The following LRRC4C variants were observed in gnomAD, a reference collection of about 807,000 sequenced individuals.
LRRC4C encodes the protein leucine rich repeat containing 4C.
LRRC4C carries 5 observed loss-of-function variants against 33.6 expected under a neutral mutation model. The observed-to-expected ratio is 0.15, with a 90% CI of 0.08 to 0.31. LRRC4C has a LOEUF of 0.31. LRRC4C is among the 10% of genes least tolerant of loss of function. LRRC4C has a pLI of 1.00. For synonymous variants in LRRC4C, 329 were observed against 302.0 expected (o/e 1.09, Z -0.93); for missense variants, 560 against 796.7 (o/e 0.70, Z 3.58).
At chr11:40,208,010 G>A (rs1863286821) in intron 5 of LRRC4C, among the ~76,000 whole-genome samples, 2 of 152,070 alleles carry the variant, frequency 1.3e-5, no homozygotes, top group East Asian at 3.9e-4. Flanking sequence ...GGGACACTAA[G>A]GAAACCTACT....
At chr11:40,169,034 T>A (rs562284404) in intron 5 of LRRC4C, among the ~76,000 whole-genome samples, 1 of 152,338 alleles carries the variant, frequency 6.6e-6, no homozygotes, top group South Asian at 2.1e-4. Context: ...TTGAGTTTTA[T>A]AAAATAACTT....
intron 2 of LRRC4C, among the ~76,000 whole-genome samples, chr11:40,747,478 T>C (rs1043200811): frequency 6.6e-6 from 1 of 151,878 alleles, no homozygotes; most frequent in African/African-American, 2.4e-5. Flanking sequence ...TATATAAACA[T>C]AAAGACACCT....
chr11:40,698,862 T>C (rs1298499803), intron 2 of LRRC4C, among the ~76,000 whole-genome samples: 2 of 152,104 alleles, frequency 1.3e-5, no homozygotes, highest in East Asian at 1.9e-4. Flanking sequence ...TCTTGAGACG[T>C]ATTCACTACC....
intron 2 of LRRC4C, among the ~76,000 whole-genome samples, chr11:40,696,059 G>GTA (rs1009495178): frequency 7.0e-5 from 10 of 142,508 alleles, no homozygotes; most frequent in Admixed American, 3.6e-4. Flanking sequence ...GTGTGTGTGT[G>GTA]TATATATGAG....
In LRRC4C at chr11:40,905,057, G is replaced by A. The variant is rs572016257; in HGVS notation, c.-407+28578C>T. On this transcript the variant is annotated intron_variant, in intron 2 of 6. Transcript: ENST00000528697. ...GATGAGACTCATCTTGGGAGTGAGA[G>A]AAAAGAGCCCAAGTCTGAAGTTGTA... Among the ~76,000 whole-genome samples the A allele has an allele frequency of 3.3e-5, 5 of 152,206 alleles. No individual in the cohort carries two copies. The East Asian group carries it at 9.7e-4, about 30-fold the overall frequency.
intron 1 of LRRC4C, among the ~76,000 whole-genome samples, chr11:41,375,818 C>T (rs1042651450): frequency 6.6e-6 from 1 of 152,000 alleles, no homozygotes; most frequent in African/African-American, 2.4e-5. Flanking sequence ...AGAAGGAACA[C>T]ATCCTAGGCA....
intron 1 of LRRC4C, among the ~76,000 whole-genome samples, chr11:41,411,017 A>G (rs1954454223): frequency 6.6e-6 from 1 of 151,958 alleles, no homozygotes; most frequent in Non-Finnish European, 1.5e-5. Flanking sequence ...TGAATCCTAT[A>G]GGAGGCAGAG....
intron 3 of LRRC4C, among the ~76,000 whole-genome samples, chr11:40,521,948 T>C (rs1168520050): frequency 1.3e-5 from 2 of 152,196 alleles, no homozygotes; most frequent in African/African-American, 2.4e-5. Flanking sequence ...TTTCCCATTA[T>C]GGTAAACATT....
At chr11:40,187,767 A>C (rs1794847296) in intron 5 of LRRC4C, among the ~76,000 whole-genome samples, 1 of 152,158 alleles carries the variant, frequency 6.6e-6, no homozygotes, top group South Asian at 2.1e-4. Context: ...AGGATTCCAA[A>C]TGACTTTCAT....
chr11:40,609,309 C>G (rs1423576809), intron 3 of LRRC4C, among the ~76,000 whole-genome samples: 3 of 151,654 alleles, frequency 2.0e-5, no homozygotes, highest in Non-Finnish European at 4.4e-5. Context: ...CAATGAACTC[C>G]TAAATAAGCA....
At chr11:40,376,572 GC>G in intron 3 of LRRC4C, among the ~76,000 whole-genome samples, 1 of 152,140 alleles carries the variant, frequency 6.6e-6, no homozygotes, top group East Asian at 1.9e-4. Flanking sequence ...AGATTAAACA[GC>G]TTTACAGCCA....
chr11:41,166,029 C>T (rs79914042), intron 1 of LRRC4C, among the ~76,000 whole-genome samples: 1 of 122,136 alleles, frequency 8.2e-6, no homozygotes, highest in Non-Finnish European at 1.8e-5. Flanking sequence ...GAAATTCTGT[C>T]AAAAAAAAAA....
chr11:40,318,627 G>A (rs997375957), intron 4 of LRRC4C, among the ~76,000 whole-genome samples: 3 of 151,992 alleles, frequency 2.0e-5, no homozygotes, highest in East Asian at 1.9e-4. Context: ...CCATGTACAC[G>A]GGTTGTTTAT....
At chr11:40,461,314 G>C (rs1447923511) in intron 3 of LRRC4C, among the ~76,000 whole-genome samples, 1 of 152,134 alleles carries the variant, frequency 6.6e-6, no homozygotes, top group Non-Finnish European at 1.5e-5. Flanking sequence ...AAACTGGTAG[G>C]ATGTAGTGAA....
rs1858783625 is a variant in LRRC4C at position 41,058,268 on chromosome 11, A to C, written c.-495-124545T>G. Among the ~76,000 whole-genome samples, 6 of 152,246 alleles carry C rather than the reference A, an allele frequency of 3.9e-5. No homozygotes were observed. In the South Asian group the frequency reaches 1.2e-3, roughly 31 times the overall value. The stretch of plus-strand genomic sequence containing the variant: ...GCTTCCAGGAACCACCGTGTTCCCC[A>C]GTGCCAGCCGTGGAAGCTGCTTGTG... On this transcript the variant is annotated intron_variant, in intron 1 of 6. Coordinates refer to ENST00000528697, the MANE Select transcript of LRRC4C (RefSeq NM_001258419.2).
intron 5 of LRRC4C, among the ~76,000 whole-genome samples, chr11:40,227,737 A>T (rs1590763162): frequency 2.0e-5 from 3 of 152,174 alleles, no homozygotes; most frequent in East Asian, 3.9e-4. Flanking sequence ...CAAAAGTACA[A>T]GGAAAAAAAA....
intron 1 of LRRC4C, among the ~76,000 whole-genome samples, chr11:41,297,687 T>C (rs1950181006): frequency 6.6e-6 from 1 of 152,166 alleles, no homozygotes; most frequent in Non-Finnish European, 1.5e-5. Context: ...TATATTTCAA[T>C]ACACTAATAG....
chr11:40,856,196 G>A lies in LRRC4C; in HGVS notation c.-407+77439C>T, dbSNP rs543612611. Among the ~76,000 whole-genome samples the A allele has an allele frequency of 4.6e-5, 7 of 152,188 alleles. No individual in the cohort carries two copies. In the East Asian group the frequency reaches 9.6e-4, roughly 21 times the overall value. On this transcript the variant is annotated intron_variant, in intron 2 of 6. Coordinates refer to ENST00000528697, the MANE Select transcript of LRRC4C (RefSeq NM_001258419.2). ...AAAGGAGCTTCATAAAGTCTATAGG[G>A]TGTGAATTCTTAAAACTGTGAAAAT...
chr11:40,143,390 C>A (rs1222626438), intron 5 of LRRC4C, among the ~76,000 whole-genome samples: 1 of 151,926 alleles, frequency 6.6e-6, no homozygotes, highest in Non-Finnish European at 1.5e-5. Context: ...TTTTTTTTTC[C>A]TGCATCTCTC....
Sources: gnomAD v4.1 joint callset for allele counts (sites outside exome capture counted in the v4.1 genomes callset) on GRCh38, gnomAD v4.1.1 for gene constraint, MANE v1.5 for transcripts, NCBI Gene and HGNC (gene_info 2026-07-23, HGNC 2026-07-21) for gene names.